Variants in AGAP1 observed in about 807,000 individuals in gnomAD.
The protein encoded by AGAP1 is arf-GAP with GTPase, ANK repeat and PH domain-containing protein 1.
In AGAP1, 29 loss-of-function variants were observed where a neutral mutation model predicts 105.3. The ratio of observed to expected loss-of-function variants is 0.28; its 90% confidence interval spans 0.21 to 0.38. AGAP1 has a LOEUF of 0.38. Ranked by LOEUF, AGAP1 falls within the 10% of genes least tolerant of loss-of-function variation. The pLI is 1.00. For synonymous variants in AGAP1, 509 were observed against 485.9 expected (o/e 1.05, Z -0.63); for missense variants, 998 against 1,165.1 (o/e 0.86, Z 2.09).
chr2:235,497,319 C>T (rs1002902598), intron 1 of AGAP1, among the ~76,000 whole-genome samples: 4 of 152,198 alleles, frequency 2.6e-5, no homozygotes, highest in African/African-American at 4.8e-5. Flanking sequence ...ACTAAGCCTG[C>T]GCTGGAACAT....
At chr2:235,607,192 C>CT (rs1010096865) in intron 1 of AGAP1, among the ~76,000 whole-genome samples, 5 of 152,166 alleles carry the variant, frequency 3.3e-5, no homozygotes, top group African/African-American at 4.8e-5. Flanking sequence ...CAGAGCCCCC[C>CT]CTTCCCTGCC....
intron 1 of AGAP1, among the ~76,000 whole-genome samples, chr2:235,583,428 C>G (rs533703089): frequency 6.6e-6 from 1 of 152,114 alleles, no homozygotes; most frequent in Non-Finnish European, 1.5e-5. Flanking sequence ...CAGAGAAACT[C>G]ATTTGAACCT....
chr2:235,688,552 T>A (rs12473494), intron 1 of AGAP1, among the ~76,000 whole-genome samples: 33,894 of 152,032 alleles, frequency 0.22, 4,112 homozygotes, highest in East Asian at 0.41. Context: ...AGCCAGATCC[T>A]GCCACATGAG....
rs2054894442 is a variant in AGAP1, at chr2:235,977,119, C to G, written c.1645+8496C>G. Among the ~76,000 whole-genome samples the G allele has an allele frequency of 6.6e-6, 1 of 152,180 alleles. No individual in the cohort carries two copies. On this transcript the variant is annotated intron_variant, in intron 13 of 17. Transcript: ENST00000304032. This position sits in a 1 kb window ranked among gnomAD's most constrained non-coding sequence, Gnocchi z 5.2. ...TGGGGCTCGGTTAGCACAAGCTGCT[C>G]ACAGGCTCCGGCGTCCATCAGCAGA...
chr2:235,857,342 T>C (rs1201864373), intron 9 of AGAP1, among the ~76,000 whole-genome samples: 1 of 152,092 alleles, frequency 6.6e-6, no homozygotes, highest in African/African-American at 2.4e-5. Context: ...CCATCCCTCC[T>C]CCCTATCCGT....
chr2:235,671,147 G>T, intron 1 of AGAP1: 1 of 1,218,774 alleles, frequency 8.2e-7, no homozygotes, highest in Non-Finnish European at 1.0e-6. Flanking sequence ...GCCCTCCCGG[G>T]TCGGGAGCCT....
intron 15 of AGAP1, among the ~76,000 whole-genome samples, chr2:236,048,678 C>G (rs965976427): frequency 1.3e-5 from 2 of 152,226 alleles, no homozygotes; most frequent in African/African-American, 4.8e-5. Flanking sequence ...TTCTCCTTCC[C>G]TCTCAGCAGC....
intron 1 of AGAP1, among the ~76,000 whole-genome samples, chr2:235,668,003 C>T (rs1200786753): frequency 1.5e-5 from 2 of 135,950 alleles, no homozygotes; most frequent in African/African-American, 5.4e-5. Flanking sequence ...TATTGAAACT[C>T]AAAAGGTAAA....
chr2:235,636,800 T>C (rs904324339), intron 1 of AGAP1, among the ~76,000 whole-genome samples: 1 of 152,186 alleles, frequency 6.6e-6, no homozygotes, highest in African/African-American at 2.4e-5. Context: ...GATGAGGTCA[T>C]GCCAGAGTGG....
At chr2:235,650,924 A>C (rs1947562680) in intron 1 of AGAP1, among the ~76,000 whole-genome samples, 1 of 152,094 alleles carries the variant, frequency 6.6e-6, no homozygotes, top group African/African-American at 2.4e-5. Flanking sequence ...TCACGCCTAT[A>C]ATCCCAGCAC....
intron 11 of AGAP1, among the ~76,000 whole-genome samples, chr2:235,913,136 G>A (rs1446218558): frequency 6.6e-6 from 1 of 151,872 alleles, no homozygotes; most frequent in African/African-American, 2.4e-5. Flanking sequence ...ATCTTTTACT[G>A]TTGTGATTTC....
At position 235,865,381 on chromosome 2, in the gene AGAP1, G is replaced by A. The variant is rs1473450546; in HGVS notation, c.1051-17964G>A. ...GGCGCAGCCTTGGGTTCCGCAAATA[G>A]GGCACCCACAGTAACACGTGTGGCG... On this transcript the variant is annotated intron_variant, in intron 9 of 17. Coordinates refer to ENST00000304032, the MANE Select transcript of AGAP1 (RefSeq NM_001037131.3). This position sits in a 1 kb window ranked among gnomAD's most constrained non-coding sequence, Gnocchi z 6.2. Among the ~76,000 whole-genome samples, 2 of 152,204 alleles carry A rather than the reference G, an allele frequency of 1.3e-5. No homozygotes were observed. Among genetic ancestry groups the A allele is most frequent in the African/African-American group, 2.4e-5 (1 of 41,450 alleles).
chr2:235,645,280 C>T (rs1947336362), intron 1 of AGAP1, among the ~76,000 whole-genome samples: 2 of 152,138 alleles, frequency 1.3e-5, no homozygotes, highest in South Asian at 4.1e-4. Flanking sequence ...ATTAACTCTA[C>T]ATAAAACAAA....
chr2:236,074,482 TAAGCTCAG>T (rs1367427055), intron 16 of AGAP1, among the ~76,000 whole-genome samples: 9 of 152,222 alleles, frequency 5.9e-5, no homozygotes, highest in Admixed American at 5.9e-4. Flanking sequence ...TTTACAAGCT[TAAGCTCAG>T]CAATTTCAAG....
rs2058039455 is a variant in AGAP1 at position 236,055,870 on chromosome 2, G to A, written c.2114+6589G>A. On this transcript the variant is annotated intron_variant, in intron 16 of 17. Coordinates refer to ENST00000304032, the MANE Select transcript of AGAP1 (RefSeq NM_001037131.3). This position sits in a 1 kb window ranked among gnomAD's most constrained non-coding sequence, Gnocchi z 6.2. ...CTCACTTAGCCACCCTTCATGACTG[G>A]ATGGTCCTCATTAGCACACTGCTAA... is the stretch of plus-strand genomic sequence containing the variant. Among the ~76,000 whole-genome samples the A allele has an allele frequency of 6.6e-6, 1 of 152,232 alleles. No individual in the cohort carries two copies. Among genetic ancestry groups the A allele is most frequent in the African/African-American group, 2.4e-5 (1 of 41,462 alleles).
rs186813206 is a variant in AGAP1, at chr2:235,905,538, C to T, written c.1156-3200C>T. Among the ~76,000 whole-genome samples, 6 of 152,154 alleles carry T rather than the reference C, an allele frequency of 3.9e-5. No homozygotes were observed. The highest frequency in any genetic ancestry group is 9.7e-5 in the African/African-American group (4 of 41,434). ...TTTTGAGACAGAGTTTCCCTCTTGT[C>T]GCTTAGGCTGGAGTGCAATGGCATG... On this transcript the variant is annotated intron_variant, in intron 10 of 17. Coordinates refer to ENST00000304032, the MANE Select transcript of AGAP1 (RefSeq NM_001037131.3). The surrounding 1 kb of genome is among the most constrained non-coding windows in gnomAD (Gnocchi z 4.2).
chr2:235,674,693 C>CTTTTT lies in AGAP1; in HGVS notation c.164-34473_164-34469dup, dbSNP rs201019044. On this transcript the variant is annotated intron_variant, in intron 1 of 17. Transcript: ENST00000304032. ...CAGTCAATTACTGTAGGGTGATAGA[C>CTTTTT]TTTTTTTTTTTTTTTTTGATGGAGT... Among the ~76,000 whole-genome samples the CTTTTT allele has an allele frequency of 2.9e-3, 396 of 136,274 alleles. 5 individuals are homozygous for CTTTTT. Among genetic ancestry groups the CTTTTT allele is most frequent in the African/African-American group, 9.7e-3 (353 of 36,306 alleles). 89.4% of individuals were successfully genotyped at this position (136,274 alleles called of 152,430 possible).
chr2:235,993,846 A>G lies in AGAP1; in HGVS notation c.1645+25223A>G, dbSNP rs1392036950. ...TGCGCTTGGAGAAAGTGGAGTTTTA[A>G]TTACTTACCCAGCAACATTCAGGAC... On this transcript the variant is annotated intron_variant, in intron 13 of 17. Transcript: ENST00000304032. The surrounding 1 kb of genome is among the most constrained non-coding windows in gnomAD (Gnocchi z 5.0). Among the ~76,000 whole-genome samples the G allele has an allele frequency of 6.6e-6, 1 of 152,168 alleles. No individual in the cohort carries two copies. Among genetic ancestry groups the G allele is most frequent in the Non-Finnish European group, 1.5e-5 (1 of 68,030 alleles).
In AGAP1 at chr2:236,045,864, C is replaced by T. The variant is rs570138495; in HGVS notation, c.1892-3195C>T. The T allele has an allele frequency of 2.2e-6, 1 of 445,018 alleles. No individual in the cohort carries two copies. The highest frequency in any genetic ancestry group is 7.2e-5 in the East Asian group (1 of 13,880). The allele number at this position is 445,018 out of a possible 1,614,324, so 27.6% of individuals were successfully genotyped here. A position where few individuals can be genotyped will look rare whatever the true frequency, so the allele number is the denominator to read the frequency against. ...TCCCCTCAGTCAGCCCCAGCCTTAC[C>T]TGTCTCTAAGCAGAGGGTGGTGAGC... On this transcript the variant is annotated intron_variant, in intron 15 of 17. Transcript: ENST00000304032. This position sits in a 1 kb window ranked among gnomAD's most constrained non-coding sequence, Gnocchi z 6.9.
Sources: allele counts gnomAD v4.1 joint callset (sites outside exome capture counted in the v4.1 genomes callset), GRCh38; gene constraint gnomAD v4.1.1; non-coding constraint Gnocchi (gnomAD v3.1); transcripts MANE v1.5; gene names NCBI Gene and HGNC (gene_info 2026-07-23, HGNC 2026-07-21).